MYO7B: variants seen among roughly 807,000 people sequenced by gnomAD.
The protein encoded by MYO7B is myosin VIIB.
MYO7B carries 212 observed loss-of-function variants against 259.7 expected under a neutral mutation model. That is an observed-to-expected ratio of 0.82 (90% confidence interval 0.73 to 0.91). The LOEUF (loss-of-function observed/expected upper bound fraction) is 0.91. Ranked by LOEUF, MYO7B falls within the 40% of genes least tolerant of loss-of-function variation. The probability of loss-of-function intolerance (pLI) is 0.00; values close to 1 mark genes in which losing one functional copy is unlikely to be tolerated. For missense variants in MYO7B, 2,732 were observed against 2,813.5 expected (o/e 0.97, Z 0.66); for synonymous variants, 1,197 against 1,166.4 (o/e 1.03, Z -0.54).
chr2:127,607,552 C>T lies in MYO7B; in HGVS notation c.2643+128C>T. The T allele has an allele frequency of 1.3e-6, 1 of 769,030 alleles. No individual in the cohort carries two copies. Among genetic ancestry groups the T allele is most frequent in the Non-Finnish European group, 2.1e-6 (1 of 480,470 alleles). The allele number at this position is 769,030 out of a possible 1,614,324, so 47.6% of individuals were successfully genotyped here. A position where few individuals can be genotyped will look rare whatever the true frequency, so the allele number is the denominator to read the frequency against. On this transcript the variant is annotated intron_variant, in intron 21 of 47. Coordinates refer to ENST00000409816, the MANE Select transcript of MYO7B (RefSeq NM_001393586.1). The surrounding 1 kb of genome is among the most constrained non-coding windows in gnomAD (Gnocchi z 4.4). ...CTTTGGAAAATCCCCCCGCCCCCGC[C>T]ACAAGCCAAGACGTTAAAATCTGTT...
chr2:127,551,833 T>A (rs1693455771), intron 1 of MYO7B, among the ~76,000 whole-genome samples: 1 of 151,898 alleles, frequency 6.6e-6, no homozygotes, highest in South Asian at 2.1e-4. Context: ...GCGGAGTGGG[T>A]GGTGGAAAGG....
intron 24 of MYO7B, among the ~76,000 whole-genome samples, chr2:127,610,661 G>A (rs1680349176): frequency 6.6e-6 from 1 of 152,228 alleles, no homozygotes; most frequent in African/African-American, 2.4e-5. Flanking sequence ...TGAATTACAT[G>A]CAGTGACAGC....
intron 19 of MYO7B, among the ~76,000 whole-genome samples, chr2:127,598,822 T>TA (rs897034301): frequency 1.3e-5 from 2 of 151,970 alleles, no homozygotes; most frequent in African/African-American, 4.8e-5. Flanking sequence ...GTATTATTCA[T>TA]AAAAAAAAGT....
chr2:127,565,390 G>T lies in MYO7B; in HGVS notation c.285+5G>T. ...TACCAGCAGCACAAGATCTATGTGA[G>T]TCTCCCCAGCCCTGTGTCCACAGGG... On this transcript the variant is annotated splice_donor_5th_base_variant and intron_variant, in intron 4 of 47. Coordinates refer to ENST00000409816, the MANE Select transcript of MYO7B (RefSeq NM_001393586.1). 1.9e-6 allele frequency: 3 copies of T among 1,613,958 alleles called. No homozygotes were observed. The highest frequency in any genetic ancestry group is 2.5e-6 in the Non-Finnish European group (3 of 1,179,852).
At position 127,566,676 on chromosome 2, in the gene MYO7B, C is replaced by T; in HGVS notation, c.319C>T (p.Pro107Ser). ...AGGCTCCATCCTGGTGGCCGTCAAC[C>T]CGTTCCAGGTGCTGCCGCTCTACAC... Reference protein sequence around the residue: ...YTGSILVAVNPFQVLPLYTLE... With the variant: ...YTGSILVAVNSFQVLPLYTLE... Residue 107 changes from proline to serine, a missense_variant, in exon 5 of 48, where the codon CCG (proline) becomes TCG (serine). By Grantham distance (74) the Pro-to-Ser change is moderately conservative. Around this residue, in one of 3 missense-constraint regions of MYO7B, gnomAD observed 1,906 missense variants for 2,026.4 expected, o/e 0.94. Transcript: ENST00000409816. The T allele has an allele frequency of 6.2e-7, 1 of 1,602,474 alleles. No individual in the cohort carries two copies. Among genetic ancestry groups the T allele is most frequent in the Non-Finnish European group, 8.5e-7 (1 of 1,175,414 alleles).
At position 127,631,312 on chromosome 2, in the gene MYO7B, C is replaced by G. The variant is rs531395124; in HGVS notation, c.5044C>G (p.Arg1682Gly). ...GCCGCTGCGACAGCCGCTGCTCAAG[C>G]GAGTCCACGCCAACGTCGACCTCTG... The part of the protein sequence containing the change: ...CEPLRQPLLK[R>G]VHANVDLWDI... Residue 1682 changes from arginine to glycine, a missense_variant, in exon 37 of 48, where the codon CGA (arginine) becomes GGA (glycine). By Grantham distance (125) the Arg-to-Gly change is moderately radical. This residue lies in a region of MYO7B where 821 missense variants were observed against 769.3 expected (regional missense o/e 1.07). Coordinates refer to ENST00000409816, the MANE Select transcript of MYO7B (RefSeq NM_001393586.1). The G allele has an allele frequency of 1.2e-6, 2 of 1,612,230 alleles. No individual in the cohort carries two copies. Among genetic ancestry groups the G allele is most frequent in the Non-Finnish European group, 8.5e-7 (1 of 1,179,314 alleles).
In MYO7B at chr2:127,597,126, C is replaced by A. The variant is rs1679801375; in HGVS notation, c.2339+570C>A. On this transcript the variant is annotated intron_variant, in intron 19 of 47. Transcript: ENST00000409816. This position sits in a 1 kb window ranked among gnomAD's most constrained non-coding sequence, Gnocchi z 4.8. ...GGGCAGGGAGCAGGGAGCTAGGGCC[C>A]ACAGCTAGAGAGGCAGCTGTGCTGC... 6.6e-6 allele frequency among the ~76,000 whole-genome samples: 1 copy of A among 152,208 alleles called. No individual in the cohort carries two copies.
chr2:127,594,303 G>A (rs1426569600), intron 18 of MYO7B, among the ~76,000 whole-genome samples: 1 of 152,264 alleles, frequency 6.6e-6, no homozygotes, highest in Non-Finnish European at 1.5e-5. Flanking sequence ...GGCCAGCACA[G>A]TGAGAGGGAA....
At chr2:127,610,180 A>G (rs536939609) in intron 24 of MYO7B, among the ~76,000 whole-genome samples, 164 bp downstream of exon 24, 27 of 152,314 alleles carry the variant, frequency 1.8e-4, no homozygotes, top group African/African-American at 5.5e-4. Flanking sequence ...AGGCACTTTC[A>G]GTATTGAACC....
At chr2:127,599,230 T>C (rs1679875665) in intron 19 of MYO7B, among the ~76,000 whole-genome samples, 1 of 152,254 alleles carries the variant, frequency 6.6e-6, no homozygotes, top group Non-Finnish European at 1.5e-5. Context: ...TTTGATTTCA[T>C]GCATCCGTGT....
At chr2:127,587,719 C>A (rs1679358343) in intron 14 of MYO7B, among the ~76,000 whole-genome samples, 1 of 152,112 alleles carries the variant, frequency 6.6e-6, no homozygotes, top group Admixed American at 6.5e-5. Context: ...CAGGCACATG[C>A]CACCATGCCT....
intron 20 of MYO7B, among the ~76,000 whole-genome samples, 182 bp downstream of exon 20, chr2:127,606,110 T>C (rs1368811762): frequency 6.6e-6 from 1 of 152,224 alleles, no homozygotes; most frequent in African/African-American, 2.4e-5. Flanking sequence ...AGTCTCTTCT[T>C]AGCATAATCT....
Position 127,612,264 on chromosome 2 carries a change from G to A in MYO7B, c.3207G>A (p.Lys1069=), listed in dbSNP as rs1482679185. The A allele has an allele frequency of 1.5e-6, 1 of 689,080 alleles. No homozygotes were observed. The highest frequency in any genetic ancestry group is 1.8e-5 in the African/African-American group (1 of 56,818). 42.7% of individuals were successfully genotyped at this position (689,080 alleles called of 1,614,324 possible). Reference sequence around the variant, plus strand: ...TCCCTCCACAGAGATCTGGCTGCAAGGACAAGGGGACCAAGGATATCTCCT... The same window carrying A: ...TCCCTCCACAGAGATCTGGCTGCAAAGACAAGGGGACCAAGGATATCTCCT... ...HSRSAQRSGC[K]DKGTKDISSM... Residue 1069 remains lysine (K), a synonymous_variant, in exon 25 of 48, where the codon AAG becomes AAA. Coordinates refer to ENST00000409816, the MANE Select transcript of MYO7B (RefSeq NM_001393586.1).
chr2:127,607,200 C>G lies in MYO7B; in HGVS notation c.2425-6C>G. 1 of 1,546,144 alleles carries G rather than the reference C, an allele frequency of 6.5e-7. No individual in the cohort carries two copies. The highest frequency in any genetic ancestry group is 8.7e-7 in the Non-Finnish European group (1 of 1,144,782). On this transcript the variant is annotated splice_polypyrimidine_tract_variant and splice_region_variant and intron_variant, in intron 20 of 47. Transcript: ENST00000409816. The surrounding 1 kb of genome is among the most constrained non-coding windows in gnomAD (Gnocchi z 4.4). Reference sequence around the variant, plus strand: ...CCCTGATCTCACCTCTCTCTTGCCTCCGCAGATCCTCGTGGGCTTTGAGCG... The same window carrying G: ...CCCTGATCTCACCTCTCTCTTGCCTGCGCAGATCCTCGTGGGCTTTGAGCG...
intron 26 of MYO7B, 122 bp from the exon 27 acceptor site, chr2:127,620,218 C>A: frequency 1.6e-6 from 2 of 1,217,346 alleles, no homozygotes; most frequent in African/African-American, 1.5e-5. Context: ...GGCCCCGGCG[C>A]TGGAGAGGTG....
rs373294024 is a variant in MYO7B at position 127,628,001 on chromosome 2, C to T, written c.4461-371C>T. 5.6e-4 allele frequency: 267 copies of T among 480,562 alleles called. No homozygotes were observed. The highest frequency in any genetic ancestry group is 4.4e-3 in the African/African-American group (226 of 51,154). The allele number at this position is 480,562 out of a possible 1,614,324, so 29.8% of individuals were successfully genotyped here. On this transcript the variant is annotated intron_variant, in intron 33 of 47. Transcript: ENST00000409816. This position sits in a 1 kb window ranked among gnomAD's most constrained non-coding sequence, Gnocchi z 4.8. Reference sequence around the variant, plus strand: ...CAGCATCACCCATTCTGCAGATGAGCGGATGAGTAAACTGAAGCACGCCGA... The same window carrying T: ...CAGCATCACCCATTCTGCAGATGAGTGGATGAGTAAACTGAAGCACGCCGA...
rs754900139 is a variant in MYO7B at position 127,565,244 on chromosome 2, C to T, written c.144C>T (p.Ile48=). Reference sequence around the variant, plus strand: ...ACCCATTGTTCCAGGAACACTGGATCCGAGCAGAGGACTTTGGTGTCCTCA... The same window carrying T: ...ACCCATTGTTCCAGGAACACTGGATTCGAGCAGAGGACTTTGGTGTCCTCA... ...VEDDEGKEHW[I]RAEDFGVLSP... Residue 48 remains isoleucine, a synonymous_variant, in exon 4 of 48, where the codon ATC becomes ATT. Coordinates refer to ENST00000409816, the MANE Select transcript of MYO7B (RefSeq NM_001393586.1). 2.5e-6 allele frequency: 4 copies of T among 1,613,694 alleles called. No homozygotes were observed. The highest frequency in any genetic ancestry group is 3.4e-6 in the Non-Finnish European group (4 of 1,179,744).
intron 1 of MYO7B, among the ~76,000 whole-genome samples, chr2:127,536,103 G>C (rs1372517784): frequency 1.3e-5 from 2 of 152,150 alleles, no homozygotes; most frequent in African/African-American, 4.8e-5. Flanking sequence ...CTCCCTGCAG[G>C]AGGGGAACGG....
chr2:127,560,026 TTTTC>T (rs1454226239), intron 2 of MYO7B, among the ~76,000 whole-genome samples: 2 of 117,432 alleles, frequency 1.7e-5, no homozygotes, highest in African/African-American at 6.3e-5. Context: ...TTTTCTTTTC[TTTTC>T]TTTTTTTTTT....
Sources: allele counts gnomAD v4.1 joint callset (sites outside exome capture counted in the v4.1 genomes callset), GRCh38; gene constraint gnomAD v4.1.1; regional missense constraint gnomAD v4.1.1; non-coding constraint Gnocchi (gnomAD v3.1); transcripts MANE v1.5; gene names NCBI Gene and HGNC (gene_info 2026-07-23, HGNC 2026-07-21).